DLG2: variants seen among roughly 807,000 people sequenced by gnomAD.
DLG2 encodes the protein disks large homolog 2.
A neutral mutation model predicts 132.5 loss-of-function variants in DLG2; 45 were observed. The observed-to-expected ratio is 0.34, with a 90% CI of 0.27 to 0.44. DLG2 has a LOEUF of 0.44. DLG2 is among the 20% of genes least tolerant of loss of function. The pLI is 1.00. For missense variants in DLG2, 1,045 were observed against 1,196.9 expected, an observed-to-expected ratio of 0.87 and a Z score of 1.87; for synonymous variants, 424 against 419.6, an observed-to-expected ratio of 1.01 and a Z score of -0.13.
chr11:85,061,772 T>C (rs745620342), intron 6 of DLG2, among the ~76,000 whole-genome samples: 1 of 151,896 alleles, frequency 6.6e-6, no homozygotes, highest in African/African-American at 2.4e-5. Flanking sequence ...TGAATAGAAA[T>C]GTTAGAAAGT....
chr11:84,868,146 ATATTTATTAATATATTATAT>A (rs958330176), intron 6 of DLG2, among the ~76,000 whole-genome samples: 5 of 147,350 alleles, frequency 3.4e-5, no homozygotes, highest in African/African-American at 1.2e-4. Flanking sequence ...TTTTATTATT[ATATTTATTAATATATTATAT>A]TATTATTATT....
chr11:84,809,315 T>A (rs2076314673), intron 6 of DLG2, among the ~76,000 whole-genome samples: 1 of 151,966 alleles, frequency 6.6e-6, no homozygotes, highest in Non-Finnish European at 1.5e-5. Flanking sequence ...AAAAAATCTG[T>A]ACCTAACATT....
chr11:84,514,035 C>T lies in DLG2; in HGVS notation c.519+20535G>A, dbSNP rs537455997. ...CTTATTTAAAAATTGGCAAAATATA[C>T]GAATAGACATTTCTCAAAAGAAGCC... On this transcript the variant is annotated intron_variant, in intron 7 of 27. Transcript: ENST00000376104. Among the ~76,000 whole-genome samples the T allele has an allele frequency of 1.2e-3, 179 of 151,994 alleles. 1 individual carries two copies. The highest frequency in any genetic ancestry group is 3.6e-3 in the African/African-American group (148 of 41,486).
At position 84,237,073 on chromosome 11, in the gene DLG2, C is replaced by A. The variant is rs1440430019; in HGVS notation, c.573+14165G>T. Among the ~76,000 whole-genome samples, 6 of 152,004 alleles carry A rather than the reference C, an allele frequency of 3.9e-5. No homozygotes were observed. In the South Asian group the frequency reaches 1.0e-3, roughly 26 times the overall value. ...CCTCCTGAGTAGCTGAGACTACAGG[C>A]GCGTGCCACCACCCCCGGCTAATTT... On this transcript the variant is annotated intron_variant, in intron 8 of 27. Transcript: ENST00000376104.
chr11:84,878,112 C>A (rs537001369), intron 6 of DLG2, among the ~76,000 whole-genome samples: 25 of 152,062 alleles, frequency 1.6e-4, no homozygotes, highest in Non-Finnish European at 2.9e-4. Flanking sequence ...ACACTGTTTG[C>A]GGGAGTGCAA....
At position 83,790,063 on chromosome 11, in the gene DLG2, A is replaced by T. The variant is rs183751717; in HGVS notation, c.1723-3271T>A. On this transcript the variant is annotated intron_variant, in intron 17 of 27. Transcript: ENST00000376104. Reference sequence around the variant, plus strand: ...TTCTGGTATACTGACATAAAACAAAATGACACAGGTACTGCAACGAGTGTA... The same window carrying T: ...TTCTGGTATACTGACATAAAACAAATTGACACAGGTACTGCAACGAGTGTA... The T allele has an allele frequency of 6.7e-4, 812 of 1,220,920 alleles. 6 individuals carry two copies. In the African/African-American group the frequency reaches 9.5e-3, roughly 14 times the overall value. 75.6% of individuals were successfully genotyped at this position (1,220,920 alleles called of 1,614,324 possible).
chr11:85,065,672 G>C (rs1342019867), intron 6 of DLG2, among the ~76,000 whole-genome samples: 5 of 150,842 alleles, frequency 3.3e-5, no homozygotes, highest in Non-Finnish European at 7.4e-5. Context: ...ACTCTCAAAA[G>C]TATAAAAATA....
chr11:85,164,609 G>A (rs1268450352), intron 4 of DLG2, among the ~76,000 whole-genome samples: 1 of 151,946 alleles, frequency 6.6e-6, no homozygotes, highest in African/African-American at 2.4e-5. Context: ...ATCTATTTCT[G>A]ACTTTCTCCT....
chr11:84,449,239 A>C (rs1297016127), intron 7 of DLG2, among the ~76,000 whole-genome samples: 1 of 151,920 alleles, frequency 6.6e-6, no homozygotes, highest in African/African-American at 2.4e-5. Flanking sequence ...TTTATACAGT[A>C]ATAAATAAAA....
intron 8 of DLG2, among the ~76,000 whole-genome samples, chr11:84,203,075 G>A (rs1055135771): frequency 1.3e-5 from 2 of 151,906 alleles, no homozygotes; most frequent in East Asian, 3.9e-4. Context: ...AAGACCTAGA[G>A]GCAAAAATAC....
chr11:85,369,430 T>C (rs934107377), intron 3 of DLG2, among the ~76,000 whole-genome samples: 10 of 152,068 alleles, frequency 6.6e-5, no homozygotes, highest in African/African-American at 2.2e-4. Context: ...GTTTTTTTTT[T>C]CTTCCCCTTC....
chr11:84,600,218 AAG>A (rs1472142964), intron 6 of DLG2, among the ~76,000 whole-genome samples: 1 of 132,456 alleles, frequency 7.5e-6, no homozygotes, highest in African/African-American at 3.4e-5. Flanking sequence ...GAAAGAAAGA[AAG>A]AAAGAGAAAG....
At chr11:83,485,736 A>G (rs2093459156) in intron 21 of DLG2, among the ~76,000 whole-genome samples, 1 of 152,162 alleles carries the variant, frequency 6.6e-6, no homozygotes, top group Non-Finnish European at 1.5e-5. Context: ...AGCTTGACAA[A>G]ATGGTATAAA....
intron 6 of DLG2, among the ~76,000 whole-genome samples, chr11:84,616,849 G>A (rs2099605278): frequency 6.6e-6 from 1 of 151,946 alleles, no homozygotes; most frequent in Non-Finnish European, 1.5e-5. Flanking sequence ...ATTTTAAAGT[G>A]GACAGATAAC....
chr11:84,474,718 A>G (rs894057480), intron 7 of DLG2, among the ~76,000 whole-genome samples: 1 of 152,086 alleles, frequency 6.6e-6, no homozygotes, highest in Admixed American at 6.6e-5. Flanking sequence ...CAGTAGTAGT[A>G]GCACTATTAT....
At chr11:83,906,506 A>G (rs1157998223) in intron 15 of DLG2, among the ~76,000 whole-genome samples, 3 of 152,106 alleles carry the variant, frequency 2.0e-5, no homozygotes, top group African/African-American at 7.2e-5. Context: ...TCATTCATCC[A>G]TCTATTCCAA....
intron 6 of DLG2, among the ~76,000 whole-genome samples, chr11:84,710,817 C>T (rs1191807452): frequency 1.3e-5 from 2 of 151,448 alleles, no homozygotes; most frequent in Non-Finnish European, 2.9e-5. Context: ...CACACATACA[C>T]ACACACAAAT....
At chr11:84,608,549 T>G (rs1047097401) in intron 6 of DLG2, among the ~76,000 whole-genome samples, 1 of 152,126 alleles carries the variant, frequency 6.6e-6, no homozygotes, top group Non-Finnish European at 1.5e-5. Flanking sequence ...GGTGACCCAG[T>G]TATGGCTAAA....
intron 6 of DLG2, among the ~76,000 whole-genome samples, chr11:84,696,079 T>C (rs767551495): frequency 3.3e-5 from 5 of 151,422 alleles, no homozygotes; most frequent in Admixed American, 6.6e-5. Flanking sequence ...GAAAACAAAA[T>C]TGAATGAGTA....
Sources: allele counts gnomAD v4.1 joint callset (sites outside exome capture counted in the v4.1 genomes callset), GRCh38; gene constraint gnomAD v4.1.1; transcripts MANE v1.5; gene names NCBI Gene and HGNC (gene_info 2026-07-23, HGNC 2026-07-21).